Variants in VPS54 observed in about 807,000 individuals in gnomAD.
The protein encoded by VPS54 is VPS54 subunit of GARP complex.
Under a neutral mutation model 121.5 loss-of-function variants are expected in VPS54, and 45 were observed. The ratio of observed to expected loss-of-function variants is 0.37; its 90% CI spans 0.29 to 0.47. VPS54 has a LOEUF of 0.47. Ranked by LOEUF, VPS54 falls within the 20% of genes least tolerant of loss-of-function variation. The pLI, the probability that VPS54 is intolerant of heterozygous loss-of-function variation, is 0.99. For synonymous variants in VPS54, 371 were observed against 385.8 expected, an observed-to-expected ratio of 0.96 and a Z score of 0.45; for missense variants, 1,090 against 1,131.4, an observed-to-expected ratio of 0.96 and a Z score of 0.52.
rs566531026 is a variant in VPS54 at position 63,990,952 on chromosome 2, T to A, written c.-20-6933A>T. 6.6e-5 allele frequency among the ~76,000 whole-genome samples: 10 copies of A among 152,328 alleles called. No individual in the cohort carries two copies. In the South Asian group the frequency reaches 2.1e-3, roughly 32 times the overall value. Reference sequence around the variant, plus strand: ...TTTGCTTCCTTTAGACTGGGACCTTTTGGCAAAAGCTTTTCTAACCCCATT... The same window carrying A: ...TTTGCTTCCTTTAGACTGGGACCTTATGGCAAAAGCTTTTCTAACCCCATT... On this transcript the variant is annotated intron_variant, in intron 1 of 22. Coordinates refer to ENST00000272322, the MANE Select transcript of VPS54 (RefSeq NM_016516.3).
chr2:63,937,504 G>T (rs1674505718), intron 11 of VPS54, among the ~76,000 whole-genome samples: 1 of 152,056 alleles, frequency 6.6e-6, no homozygotes, highest in South Asian at 2.1e-4. Context: ...ACAAGTTTTG[G>T]CAAGGATGCA....
At chr2:64,014,073 G>A (rs1263649247) in intron 1 of VPS54, among the ~76,000 whole-genome samples, 2 of 149,460 alleles carry the variant, frequency 1.3e-5, no homozygotes, top group African/African-American at 4.8e-5. Flanking sequence ...CCAGAAAGAT[G>A]AAAAATAATT....
chr2:63,932,711 A>G (rs1371269611), intron 12 of VPS54, among the ~76,000 whole-genome samples: 4 of 151,986 alleles, frequency 2.6e-5, no homozygotes, highest in African/African-American at 9.7e-5. Context: ...TTATATAAAG[A>G]TAATAAAAAT....
chr2:63,950,140 A>C (rs1675171250), intron 7 of VPS54, among the ~76,000 whole-genome samples: 1 of 152,138 alleles, frequency 6.6e-6, no homozygotes, highest in African/African-American at 2.4e-5. Flanking sequence ...AATCTCTTTC[A>C]TGATTTCCTT....
chr2:63,999,778 TTC>T (rs1163538596), intron 1 of VPS54, among the ~76,000 whole-genome samples: 1 of 152,266 alleles, frequency 6.6e-6, no homozygotes, highest in East Asian at 1.9e-4. Flanking sequence ...CTTATTTTTA[TTC>T]TTTTTTCTTT....
At chr2:63,931,680 C>T (rs1347509360) in intron 12 of VPS54, among the ~76,000 whole-genome samples, 1 of 152,186 alleles carries the variant, frequency 6.6e-6, no homozygotes, top group African/African-American at 2.4e-5. Context: ...GGAAGAGCTT[C>T]TGCACAGCAA....
chr2:63,955,474 G>C (rs1247000379), intron 7 of VPS54, among the ~76,000 whole-genome samples: 2 of 151,864 alleles, frequency 1.3e-5, no homozygotes, highest in African/African-American at 2.4e-5. Flanking sequence ...ACTGATATTT[G>C]GGCATCAAAA....
intron 1 of VPS54, among the ~76,000 whole-genome samples, chr2:64,012,167 T>C (rs1056647118): frequency 6.6e-6 from 1 of 152,106 alleles, no homozygotes; most frequent in African/African-American, 2.4e-5. Context: ...TACATCCCCA[T>C]TACTTCATCT....
intron 12 of VPS54, among the ~76,000 whole-genome samples, chr2:63,927,878 A>G (rs1241703424): frequency 3.3e-5 from 5 of 152,204 alleles, no homozygotes; most frequent in Non-Finnish European, 7.3e-5. Context: ...ACAAGCTTCA[A>G]TAGCCGATTC....
intron 1 of VPS54, among the ~76,000 whole-genome samples, chr2:63,996,428 C>A (rs923409560): frequency 6.6e-6 from 1 of 152,042 alleles, no homozygotes; most frequent in Non-Finnish European, 1.5e-5. Context: ...GTGATGATTG[C>A]GTTAACTGCA....
At chr2:64,004,574 C>A (rs1202513170) in intron 1 of VPS54, among the ~76,000 whole-genome samples, 1 of 152,140 alleles carries the variant, frequency 6.6e-6, no homozygotes, top group Admixed American at 6.5e-5. Flanking sequence ...GAAATAGTCT[C>A]TTCAAAAATG....
At chr2:63,931,398 A>T (rs192261700) in intron 12 of VPS54, among the ~76,000 whole-genome samples, 1 of 152,218 alleles carries the variant, frequency 6.6e-6, no homozygotes, top group African/African-American at 2.4e-5. Context: ...CATACAAGCA[A>T]TGGGGAAAAG....
chr2:63,967,557 A>G (rs146557253), intron 5 of VPS54, among the ~76,000 whole-genome samples: 2 of 151,876 alleles, frequency 1.3e-5, no homozygotes, highest in South Asian at 2.1e-4. Flanking sequence ...CGTCTCTTCT[A>G]AAAATACTAA....
At chr2:63,913,155 A>C (rs2104434031) in intron 18 of VPS54, 68 bp downstream of exon 18, 1 of 1,330,848 alleles carries the variant, frequency 7.5e-7, no homozygotes, top group South Asian at 1.4e-5. Context: ...AGGTATAAAA[A>C]AACATGATGA....
intron 1 of VPS54, among the ~76,000 whole-genome samples, chr2:63,994,049 G>A (rs561923736): frequency 1.7e-4 from 26 of 152,248 alleles, no homozygotes; most frequent in South Asian, 1.0e-3. Flanking sequence ...AAAGACGTCC[G>A]CGTCAAAAAC....
chr2:63,999,127 T>C (rs558409441), intron 1 of VPS54, among the ~76,000 whole-genome samples: 1 of 152,232 alleles, frequency 6.6e-6, no homozygotes, highest in African/African-American at 2.4e-5. Context: ...ATTTTTGTTT[T>C]TCAGTAGAGA....
intron 22 of VPS54, among the ~76,000 whole-genome samples, chr2:63,895,408 C>G (rs1672406093): frequency 6.6e-6 from 1 of 152,164 alleles, no homozygotes; most frequent in Non-Finnish European, 1.5e-5. Context: ...GAGCTGAGAT[C>G]ACGCCACTGC....
chr2:63,912,761 T>A (rs928576228), intron 18 of VPS54, 100 bp from the exon 19 acceptor site: 2 of 1,426,430 alleles, frequency 1.4e-6, no homozygotes, highest in Non-Finnish European at 1.9e-6. Flanking sequence ...ACATCACTTA[T>A]AAAGAACCAG....
At chr2:63,897,047 C>CT (rs973960726) in intron 22 of VPS54, among the ~76,000 whole-genome samples, 1 of 152,162 alleles carries the variant, frequency 6.6e-6, no homozygotes, top group Non-Finnish European at 1.5e-5. Flanking sequence ...TATATACAAT[C>CT]TTTCAATAGC....
Sources: allele counts gnomAD v4.1 joint callset (sites outside exome capture counted in the v4.1 genomes callset), GRCh38; gene constraint gnomAD v4.1.1; transcripts MANE v1.5; gene names NCBI Gene and HGNC (gene_info 2026-07-23, HGNC 2026-07-21).